The following PRSS3 variants were observed in gnomAD, a reference collection of about 807,000 sequenced individuals.
PRSS3 encodes serine protease 3.
Under a neutral mutation model 20.8 loss-of-function variants are expected in PRSS3, and 14 were observed. The ratio of observed to expected loss-of-function variants is 0.67; its 90% CI spans 0.44 to 1.05. PRSS3 has a LOEUF of 1.05. Among genes scored for constraint, PRSS3 ranks in the 50% least tolerant of loss-of-function variants. The pLI, the probability that PRSS3 is intolerant of heterozygous loss-of-function variation, is 0.00. For missense variants in PRSS3, 237 were observed against 306.4 expected, an observed-to-expected ratio of 0.77 and a Z score of 1.69; for synonymous variants, 91 against 117.6, an observed-to-expected ratio of 0.77 and a Z score of 1.46.
chr9:33,789,148 G>A (rs191088010), intron 1 of PRSS3, among the ~76,000 whole-genome samples: 1 of 152,158 alleles, frequency 6.6e-6, no homozygotes, highest in East Asian at 1.9e-4. Context: ...TTTTGCATCT[G>A]GTTTTTAGTA....
chr9:33,760,941 G>C (rs1402460415), intron 1 of PRSS3, among the ~76,000 whole-genome samples: 3 of 152,108 alleles, frequency 2.0e-5, no homozygotes, highest in Admixed American at 2.0e-4. Context: ...CAGCAAAACT[G>C]CCTAATTTTC....
At chr9:33,784,703 T>C (rs1272532566) in intron 1 of PRSS3, among the ~76,000 whole-genome samples, 1 of 152,148 alleles carries the variant, frequency 6.6e-6, no homozygotes, top group Non-Finnish European at 1.5e-5. Context: ...TCAAATAAGA[T>C]AGGTGAGTTT....
rs1382715540 is a variant in PRSS3 at position 33,750,823 on chromosome 9, T to C, written c.-53+96T>C. On this transcript the variant is annotated intron_variant, in intron 1 of 5. Coordinates refer to the PRSS3 transcript ENST00000342836. This position sits in a 1 kb window ranked among gnomAD's most constrained non-coding sequence, Gnocchi z 4.8. ...GAGCGGGGCTGTGATGGAGAGGGGG[T>C]TCCGACTCGCATGGGACCTGCGGGG... The C allele has an allele frequency of 3.8e-5, 53 of 1,394,710 alleles. No homozygotes were observed. The South Asian group carries it at 8.2e-4, about 22-fold the overall frequency. 86.4% of individuals were successfully genotyped at this position (1,394,710 alleles called of 1,614,324 possible). A position where few individuals can be genotyped will look rare whatever the true frequency, so the allele number is the denominator to read the frequency against.
chr9:33,765,529 T>C (rs563913559), intron 1 of PRSS3, among the ~76,000 whole-genome samples: 19 of 152,320 alleles, frequency 1.2e-4, no homozygotes, highest in African/African-American at 4.6e-4. Context: ...TTTTTCATTT[T>C]GGAGCCATTA....
chr9:33,765,022 G>A lies in PRSS3; in HGVS notation c.-53+14295G>A, dbSNP rs1823355705. Among the ~76,000 whole-genome samples the A allele has an allele frequency of 5.9e-5, 9 of 152,306 alleles. No individual in the cohort carries two copies. In the South Asian group the frequency reaches 1.9e-3, roughly 32 times the overall value. ...TGTTGGCAAAGATGTGAAGAAACTG[G>A]AACTCTAATACATTGCTGGTGGGAT... On this transcript the variant is annotated intron_variant, in intron 1 of 5. Transcript: ENST00000342836.
At chr9:33,760,474 C>T (rs1440140276) in intron 1 of PRSS3, among the ~76,000 whole-genome samples, 2 of 151,998 alleles carry the variant, frequency 1.3e-5, no homozygotes, top group Non-Finnish European at 2.9e-5. Flanking sequence ...AGGCCGGGTG[C>T]GGTGGCTCAC....
At chr9:33,752,482 C>T (rs1195462238) in intron 1 of PRSS3, among the ~76,000 whole-genome samples, 1 of 152,224 alleles carries the variant, frequency 6.6e-6, no homozygotes, top group Non-Finnish European at 1.5e-5. Flanking sequence ...ATTAAAGTCA[C>T]TAGTGTGTCA....
chr9:33,772,785 A>G (rs754848932), intron 1 of PRSS3, among the ~76,000 whole-genome samples: 1 of 152,142 alleles, frequency 6.6e-6, no homozygotes, highest in African/African-American at 2.4e-5. Flanking sequence ...GGATCTATAT[A>G]TTTTGTGTCT....
intron 1 of PRSS3, among the ~76,000 whole-genome samples, chr9:33,785,113 A>G (rs72711741): frequency 0.06 from 9,132 of 151,058 alleles, 386 homozygotes; most frequent in Non-Finnish European, 0.091. Context: ...GTTACATGAT[A>G]CAAGAAATCA....
At chr9:33,754,261 G>A (rs1224767867) in intron 1 of PRSS3, among the ~76,000 whole-genome samples, 6 of 151,786 alleles carry the variant, frequency 4.0e-5, no homozygotes, top group African/African-American at 1.2e-4. Flanking sequence ...TAGTAGAGAC[G>A]GGGTTTCACC....
chr9:33,750,847 G>A lies in PRSS3; in HGVS notation c.-53+120G>A. ...GTTCCGACTCGCATGGGACCTGCGG[G>A]GGAGGGTACGCGGACAGGGAGGGGA... On this transcript the variant is annotated intron_variant, in intron 1 of 5. Coordinates refer to the PRSS3 transcript ENST00000342836. This position sits in a 1 kb window ranked among gnomAD's most constrained non-coding sequence, Gnocchi z 4.8. 1.0e-5 allele frequency: 14 copies of A among 1,381,110 alleles called. No individual in the cohort carries two copies. Among genetic ancestry groups the A allele is most frequent in the Non-Finnish European group, 1.3e-5 (14 of 1,074,248 alleles). 85.6% of individuals were successfully genotyped at this position (1,381,110 alleles called of 1,614,324 possible). A position where few individuals can be genotyped will look rare whatever the true frequency, so the allele number is the denominator to read the frequency against.
intron 1 of PRSS3, among the ~76,000 whole-genome samples, chr9:33,757,802 C>T (rs2118765347): frequency 6.6e-6 from 1 of 152,274 alleles, no homozygotes; most frequent in African/African-American, 2.4e-5. Context: ...TACCTGTCCC[C>T]TTGCTATTTC....
chr9:33,788,584 A>G (rs768730412), intron 1 of PRSS3, among the ~76,000 whole-genome samples: 5 of 152,170 alleles, frequency 3.3e-5, no homozygotes, highest in African/African-American at 7.2e-5. Flanking sequence ...TGGAAATTCC[A>G]TATTTCCAGT....
rs1490528125 is a variant in PRSS3, at chr9:33,798,357, C to A, written c.455-129C>A. On this transcript the variant is annotated intron_variant, in intron 3 of 4. Coordinates refer to ENST00000379405, the MANE Select transcript of PRSS3 (RefSeq NM_002771.4). ...GGAAACTAAAAGCCAGAGTCCCTTG[C>A]CAGAACTTACGTTTTGGAGTCCTCT... 5 of 1,448,412 alleles carry A rather than the reference C, an allele frequency of 3.5e-6. No individual in the cohort carries two copies. In the South Asian group the frequency reaches 4.9e-5, roughly 14 times the overall value. 89.7% of individuals were successfully genotyped at this position (1,448,412 alleles called of 1,614,324 possible). A position where few individuals can be genotyped will look rare whatever the true frequency, so the allele number is the denominator to read the frequency against.
At chr9:33,787,605 A>G (rs1271493469) in intron 1 of PRSS3, among the ~76,000 whole-genome samples, 1 of 152,228 alleles carries the variant, frequency 6.6e-6, no homozygotes, top group Admixed American at 6.5e-5. Flanking sequence ...GGCCAGGGAA[A>G]GAGAGGGTTC....
At chr9:33,775,160 C>T (rs1823867735) in intron 1 of PRSS3, among the ~76,000 whole-genome samples, 1 of 151,612 alleles carries the variant, frequency 6.6e-6, no homozygotes, top group Non-Finnish European at 1.5e-5. Flanking sequence ...TGACAAAATG[C>T]AGGCAAAAAA....
chr9:33,798,628 T>G lies in PRSS3; in HGVS notation c.591+6T>G. On this transcript the variant is annotated splice_donor_region_variant and intron_variant, in intron 4 of 4. Coordinates refer to ENST00000379405, the MANE Select transcript of PRSS3 (RefSeq NM_002771.4). Reference sequence around the variant, plus strand: ...GAGGCAAGGATTCCTGCCAGGTGATTTGACCCTTTCCCATGCTGAGGCTCC... The same window carrying G: ...GAGGCAAGGATTCCTGCCAGGTGATGTGACCCTTTCCCATGCTGAGGCTCC... 6.2e-7 allele frequency: 1 copy of G among 1,613,706 alleles called. No homozygotes were observed. Among genetic ancestry groups the G allele is most frequent in the Non-Finnish European group, 8.5e-7 (1 of 1,179,860 alleles).
chr9:33,798,410 C>T (rs1455113300), intron 3 of PRSS3, 76 bp from the exon 4 acceptor site: 8 of 1,588,338 alleles, frequency 5.0e-6, no homozygotes, highest in Non-Finnish European at 6.9e-6. Context: ...CTTCAATGTT[C>T]CATCCCAGAT....
chr9:33,769,188 A>C (rs1164431632), intron 1 of PRSS3, among the ~76,000 whole-genome samples: 1 of 152,228 alleles, frequency 6.6e-6, no homozygotes, highest in Non-Finnish European at 1.5e-5. Flanking sequence ...ATATGAAAGG[A>C]GAGAGATAAA....
Sources: gnomAD v4.1 joint callset for allele counts (sites outside exome capture counted in the v4.1 genomes callset) on GRCh38, gnomAD v4.1.1 for gene constraint, Gnocchi (gnomAD v3.1) non-coding constraint, MANE v1.5 for transcripts, NCBI Gene and HGNC (gene_info 2026-07-23, HGNC 2026-07-21) for gene names.